Variants in NELL1 observed in about 807,000 individuals in gnomAD.
The protein encoded by NELL1 is protein kinase C-binding protein NELL1.
Under a neutral mutation model 107.4 loss-of-function variants are expected in NELL1, and 76 were observed. That is an observed-to-expected ratio of 0.71 (90% CI 0.59 to 0.86). NELL1 has a LOEUF of 0.86. Among genes scored for constraint, NELL1 ranks in the 40% least tolerant of loss-of-function variants. NELL1 has a pLI of 0.00. For missense variants in NELL1, 1,024 were observed against 1,005.5 expected, an observed-to-expected ratio of 1.02 and a Z score of -0.25; for synonymous variants, 353 against 341.2, an observed-to-expected ratio of 1.03 and a Z score of -0.38.
At chr11:20,673,971 T>G (rs1853984644) in intron 1 of NELL1, among the ~76,000 whole-genome samples, 1 of 152,196 alleles carries the variant, frequency 6.6e-6, no homozygotes, top group South Asian at 2.1e-4. Context: ...TACATCCTGC[T>G]ATGGGCACGA....
chr11:20,947,412 A>G lies in NELL1; in HGVS notation c.1148A>G (p.Asn383Ser), dbSNP rs1485011341. Residue 383 changes from asparagine to serine, a missense_variant, in exon 11 of 20, where the codon AAT becomes AGT. Coordinates refer to ENST00000357134, the MANE Select transcript of NELL1 (RefSeq NM_006157.5). ...CSEKDHILPE[N>S]QCCRVCRGHN... ...GAAAAGGATCACATTCTTCCTGAGA[A>G]TCAGTGCTGCCGTGTCTGTAGAGGT... 1 of 1,613,930 alleles carries G rather than the reference A, an allele frequency of 6.2e-7. No individual in the cohort carries two copies. Among genetic ancestry groups the G allele is most frequent in the African/African-American group, 1.3e-5 (1 of 74,916 alleles).
intron 13 of NELL1, among the ~76,000 whole-genome samples, chr11:21,189,769 T>G (rs1273435738): frequency 1.3e-5 from 2 of 151,708 alleles, no homozygotes; most frequent in East Asian, 1.9e-4. Context: ...TTTTATAAGT[T>G]TGCCTCAGTT....
At chr11:20,801,681 A>G (rs990002024) in intron 3 of NELL1, among the ~76,000 whole-genome samples, 28 of 152,224 alleles carry the variant, frequency 1.8e-4, no homozygotes, top group African/African-American at 6.5e-4. Flanking sequence ...AGTTTCCCCA[A>G]TGTTTTCTTT....
chr11:20,930,847 T>C (rs1408021264), intron 9 of NELL1, among the ~76,000 whole-genome samples: 1 of 152,010 alleles, frequency 6.6e-6, no homozygotes, highest in East Asian at 1.9e-4. Flanking sequence ...CATAGCAATT[T>C]AGTTAGGTAG....
intron 3 of NELL1, among the ~76,000 whole-genome samples, chr11:20,787,284 TA>T (rs1856987411): frequency 6.6e-6 from 1 of 152,024 alleles, no homozygotes; most frequent in Admixed American, 6.6e-5. Flanking sequence ...TCTACTCTAG[TA>T]GAGAAGATCT....
intron 15 of NELL1, among the ~76,000 whole-genome samples, chr11:21,388,181 A>C (rs2133778549): frequency 6.6e-6 from 1 of 151,732 alleles, no homozygotes; most frequent in African/African-American, 2.4e-5. Context: ...TTTATATTGA[A>C]AGTGTCAGAA....
chr11:20,802,537 T>C (rs1182444148), intron 3 of NELL1, among the ~76,000 whole-genome samples: 1 of 152,168 alleles, frequency 6.6e-6, no homozygotes, highest in Non-Finnish European at 1.5e-5. Flanking sequence ...CTTAATCCTT[T>C]CCAAATTGTA....
chr11:21,340,991 C>T (rs1850551438), intron 14 of NELL1, among the ~76,000 whole-genome samples: 1 of 152,198 alleles, frequency 6.6e-6, no homozygotes, highest in African/African-American at 2.4e-5. Context: ...TGGATTGTGA[C>T]AACTCCATCT....
intron 2 of NELL1, among the ~76,000 whole-genome samples, chr11:20,756,123 G>A (rs868658545): frequency 1.5e-4 from 22 of 149,862 alleles, no homozygotes; most frequent in South Asian, 2.1e-4. Context: ...CTCGTGATCC[G>A]CCTGCCTCGG....
chr11:21,179,455 A>G (rs1004764639), intron 13 of NELL1, among the ~76,000 whole-genome samples: 1 of 151,886 alleles, frequency 6.6e-6, no homozygotes, highest in African/African-American at 2.4e-5. Flanking sequence ...GCTGTGCTTC[A>G]TGATGTGAGT....
intron 12 of NELL1, among the ~76,000 whole-genome samples, chr11:21,088,906 T>C (rs1393806248): frequency 2.0e-5 from 3 of 152,192 alleles, no homozygotes; most frequent in Non-Finnish European, 4.4e-5. Context: ...AGATCAATTA[T>C]ATGGGTAGCC....
intron 15 of NELL1, among the ~76,000 whole-genome samples, chr11:21,507,787 C>CTTTTCTT (rs567035184): frequency 0.011 from 1,586 of 144,600 alleles, 35 homozygotes; most frequent in African/African-American, 0.037. Flanking sequence ...CTTTTCTTTT[C>CTTTTCTT]TTTTTTTTTT....
intron 2 of NELL1, among the ~76,000 whole-genome samples, chr11:20,761,787 G>C (rs969153791): frequency 6.6e-6 from 1 of 152,322 alleles, no homozygotes; most frequent in Admixed American, 6.5e-5. Context: ...TTATAGGTTT[G>C]CTTTAAAAAA....
chr11:20,777,477 G>A (rs185476743), intron 2 of NELL1, among the ~76,000 whole-genome samples: 4 of 152,260 alleles, frequency 2.6e-5, no homozygotes, highest in Non-Finnish European at 5.9e-5. Context: ...AAAGCTGCTT[G>A]GATCAATAAC....
intron 12 of NELL1, among the ~76,000 whole-genome samples, chr11:21,089,793 T>G (rs935472097): frequency 2.0e-5 from 3 of 152,178 alleles, no homozygotes; most frequent in Non-Finnish European, 4.4e-5. Flanking sequence ...TAGTCCTTGG[T>G]TGATGGCTAG....
At chr11:21,232,726 T>C (rs1858096115) in intron 14 of NELL1, among the ~76,000 whole-genome samples, 1 of 152,184 alleles carries the variant, frequency 6.6e-6, no homozygotes, top group Non-Finnish European at 1.5e-5. Context: ...TGATCTCAGC[T>C]CATTGTAACC....
chr11:20,722,493 G>T (rs1322402605), intron 2 of NELL1, among the ~76,000 whole-genome samples: 1 of 152,120 alleles, frequency 6.6e-6, no homozygotes, highest in African/African-American at 2.4e-5. Context: ...CATTTTGTAG[G>T]GTTATTACAG....
intron 15 of NELL1, among the ~76,000 whole-genome samples, chr11:21,515,972 C>T (rs879359067): frequency 7.9e-5 from 12 of 152,160 alleles, no homozygotes; most frequent in Admixed American, 7.9e-4. Context: ...CTGCATTTCT[C>T]CTGGAGACAT....
At chr11:21,079,047 A>C (rs1159909981) in intron 12 of NELL1, among the ~76,000 whole-genome samples, 2 of 151,982 alleles carry the variant, frequency 1.3e-5, no homozygotes, top group Non-Finnish European at 2.9e-5. Context: ...AACTAAAAAA[A>C]AAAAATCCAG....
Sources: allele counts gnomAD v4.1 joint callset (sites outside exome capture counted in the v4.1 genomes callset), GRCh38; gene constraint gnomAD v4.1.1; transcripts MANE v1.5; gene names NCBI Gene and HGNC (gene_info 2026-07-23, HGNC 2026-07-21).